Variants in APOB observed in about 807,000 individuals in gnomAD.
APOB encodes the protein apolipoprotein B-100.
In APOB, 153 loss-of-function variants were observed where a neutral mutation model predicts 314.1. The ratio of observed to expected loss-of-function variants is 0.49; its 90% CI spans 0.43 to 0.56. APOB has a LOEUF of 0.56. Ranked by LOEUF, APOB falls within the 20% of genes least tolerant of loss-of-function variation. APOB has a pLI of 0.00. For missense variants in APOB, 5,430 were observed against 5,350.7 expected (o/e 1.01, Z -0.46); for synonymous variants, 2,087 against 2,036.4 (o/e 1.02, Z -0.67).
intron 20 of APOB, among the ~76,000 whole-genome samples, 198 bp downstream of exon 20, chr2:21,018,794 C>T (rs775736792): frequency 6.6e-6 from 1 of 152,192 alleles, no homozygotes; most frequent in African/African-American, 2.4e-5. Context: ...CCATTGTTCA[C>T]TGTTCTAGCC....
intron 5 of APOB, among the ~76,000 whole-genome samples, chr2:21,037,534 A>G (rs1357237371): frequency 4.6e-5 from 7 of 152,166 alleles, no homozygotes; most frequent in Non-Finnish European, 2.9e-5. Flanking sequence ...AGAACACACA[A>G]AAGTGCTCAT....
In APOB at chr2:21,001,775, G is replaced by C. The variant is rs374018447; in HGVS notation, c.13647C>G (p.Asn4549Lys). The C allele has an allele frequency of 6.2e-7, 1 of 1,614,000 alleles. No homozygotes were observed. The highest frequency in any genetic ancestry group is 1.3e-5 in the African/African-American group (1 of 75,024). ...LKKLQSTTVM[N>K]PYMKLAPGEL... ...CTCCTGGAGCAAGCTTCATGTAGGG[G>C]TTCATGACTGTGGTTGATTGCAGCT... The change falls in exon 29 of 29, where the codon AAC (asparagine) becomes AAG (lysine). Residue 4549 changes from asparagine to lysine, a missense_variant. Asn to Lys is a moderately conservative substitution (Grantham distance 94). This residue lies in a region of APOB where 3,281 missense variants were observed against 3,171.0 expected (regional missense o/e 1.03). Transcript: ENST00000233242.
At position 21,009,642 on chromosome 2, in the gene APOB, A is replaced by G. The variant is rs781521234; in HGVS notation, c.7226T>C (p.Phe2409Ser). The G allele has an allele frequency of 6.2e-7, 1 of 1,613,648 alleles. No homozygotes were observed. Among genetic ancestry groups the G allele is most frequent in the Non-Finnish European group, 8.5e-7 (1 of 1,179,722 alleles). Residue 2409 changes from phenylalanine to serine, a missense_variant, in exon 26 of 29, where the codon TTT becomes TCT. Phe to Ser is a radical substitution (Grantham distance 155, BLOSUM62 -2). Around this residue, in one of 3 missense-constraint regions of APOB, gnomAD observed 3,281 missense variants for 3,171.0 expected, o/e 1.03. Coordinates refer to ENST00000233242, the MANE Select transcript of APOB (RefSeq NM_000384.3). ...GTTAACATCTTCAATGAATGTTTTA[A>G]AAGATAATTCATTAAGCTTCTTGAC... Reference protein sequence around the residue: ...DAVKKLNELSFKTFIEDVNKF... With the variant: ...DAVKKLNELSSKTFIEDVNKF...
chr2:21,003,722 C>A (rs576873749), intron 28 of APOB, among the ~76,000 whole-genome samples: 1 of 152,034 alleles, frequency 6.6e-6, no homozygotes, highest in Admixed American at 6.6e-5. Context: ...AAGTTGGAGC[C>A]CACCCTGCAG....
At chr2:21,043,594 C>A in intron 1 of APOB, 43 bp from the exon 2 acceptor site, 1 of 1,578,196 alleles carries the variant, frequency 6.3e-7, no homozygotes, top group East Asian at 2.3e-5. Flanking sequence ...CCCACGTCTT[C>A]CCAGCGGGTG....
chr2:21,012,690 G>A lies in APOB; in HGVS notation c.4217-39C>T. 1.9e-6 allele frequency: 3 copies of A among 1,596,494 alleles called. No individual in the cohort carries two copies. The South Asian group carries it at 3.3e-5, about 18-fold the overall frequency. ...GAAAAGACATTGGTTAAATTAAGCA[G>A]TACATTTCCAGAGCAATCTCTATGT... is the stretch of plus-strand genomic sequence containing the variant. On this transcript the variant is annotated intron_variant, in intron 25 of 28. Coordinates refer to ENST00000233242, the MANE Select transcript of APOB (RefSeq NM_000384.3).
In APOB at chr2:21,034,896, T is replaced by A; in HGVS notation, c.824A>T (p.Lys275Met). Residue 275 changes from lysine to methionine, a missense_variant, in exon 8 of 29, where the codon AAG (lysine) becomes ATG (methionine). By Grantham distance (95) the Lys-to-Met change is moderately conservative. Transcript: ENST00000233242. Reference sequence around the variant, plus strand: ...TGTCACTTGTGCTACCATCCCATACTTATTCCTGGTAACCAAGGAAGCACA... The same window carrying A: ...TGTCACTTGTGCTACCATCCCATACATATTCCTGGTAACCAAGGAAGCACA... ...HLFLPFSYKN[K>M]YGMVAQVTQT... The A allele has an allele frequency of 6.5e-7, 1 of 1,544,228 alleles. No individual in the cohort carries two copies. Among genetic ancestry groups the A allele is most frequent in the Non-Finnish European group, 9.0e-7 (1 of 1,116,136 alleles).
At chr2:21,033,733 A>G (rs1310045759) in intron 8 of APOB, among the ~76,000 whole-genome samples, 1 of 152,160 alleles carries the variant, frequency 6.6e-6, no homozygotes, top group South Asian at 2.1e-4. Context: ...TTATTGTTCA[A>G]TTTAATGATA....
At position 21,013,226 on chromosome 2, in the gene APOB, T is replaced by C; in HGVS notation, c.4150A>G (p.Ser1384Gly). ...SGGNTSTDHFSLRARYHMKAD... is the reference protein window; with the variant it reads ...SGGNTSTDHFGLRARYHMKAD... ...TTCATGTGGTAACGAGCCCGAAGGCTGAAATGGTCTGTGCTGGTGTTGCCA... is the reference window on the plus strand; with the variant it reads ...TTCATGTGGTAACGAGCCCGAAGGCCGAAATGGTCTGTGCTGGTGTTGCCA... Residue 1384 changes from serine to glycine, a missense_variant, in exon 25 of 29, where the codon AGC (serine) becomes GGC (glycine). Transcript: ENST00000233242. 6.2e-7 allele frequency: 1 copy of C among 1,614,170 alleles called. No individual in the cohort carries two copies. The highest frequency in any genetic ancestry group is 1.3e-5 in the African/African-American group (1 of 75,036).
Position 21,010,655 on chromosome 2 carries a change from G to A in APOB, c.6213C>T (p.Leu2071=). 6.2e-7 allele frequency: 1 copy of A among 1,614,092 alleles called. No homozygotes were observed. Among genetic ancestry groups the A allele is most frequent in the African/African-American group, 1.3e-5 (1 of 75,044 alleles). The part of the protein sequence containing the change: ...DKNQDVHSIN[L]PFFETLQEYF... ...ATTCTTGCAAGGTCTCAAAAAATGG[G>A]AGGTTAATGGAGTGAACATCTTGGT... The change falls in exon 26 of 29, where the codon CTC becomes CTT. Residue 2071 remains leucine (L), a synonymous_variant. Transcript: ENST00000233242.
intron 3 of APOB, 139 bp from the exon 4 acceptor site, chr2:21,041,222 A>G (rs1664125649): frequency 6.0e-6 from 5 of 831,304 alleles, no homozygotes; most frequent in Admixed American, 4.2e-5. Flanking sequence ...TCAACACCAC[A>G]TGCCTTATCA....
rs1201059427 is a variant in APOB at position 21,007,323 on chromosome 2, T to C, written c.9545A>G (p.His3182Arg). 2 of 1,614,016 alleles carry C rather than the reference T, an allele frequency of 1.2e-6. No individual in the cohort carries two copies. Among genetic ancestry groups the C allele is most frequent in the Non-Finnish European group, 8.5e-7 (1 of 1,179,956 alleles). The stretch of plus-strand genomic sequence containing the variant: ...CAAAGGATTTGTGATGGAATGCCTG[T>C]GTTTGTTTTTCTTATACTGAGCTTT... ...SVKAQYKKNK[H>R]RHSITNPLAV... Residue 3182 changes from histidine (H) to arginine (R), a missense_variant, in exon 26 of 29, where the codon CAC (histidine) becomes CGC (arginine). Transcript: ENST00000233242.
rs759049869 is a variant in APOB at position 21,043,589 on chromosome 2, G to A, written c.83-38C>T. On this transcript the variant is annotated intron_variant, in intron 1 of 28. Transcript: ENST00000233242. ...AGAAAGAAATCTGTGAGCTTCCCACGTCTTCCCAGCGGGTGCTAGGGCCCG... is the reference window on the plus strand; with the variant it reads ...AGAAAGAAATCTGTGAGCTTCCCACATCTTCCCAGCGGGTGCTAGGGCCCG... 7 of 1,581,806 alleles carry A rather than the reference G, an allele frequency of 4.4e-6. No individual in the cohort carries two copies. In the African/African-American group the frequency reaches 9.4e-5, roughly 21 times the overall value.
rs184685800 is a variant in APOB, at chr2:21,009,814, G to C, written c.7054C>G (p.Gln2352Glu). 6.2e-7 allele frequency: 1 copy of C among 1,613,862 alleles called. No individual in the cohort carries two copies. The highest frequency in any genetic ancestry group is 2.2e-5 in the East Asian group (1 of 44,846). ...HELIERYEVD[Q>E]QIQVLMDKLV... ...TTATCCATTAAAACCTGGATTTGTT[G>C]GTCTACTTCATACCTCTCGATTAAC... The change falls in exon 26 of 29, where the codon CAA becomes GAA. Residue 2352 changes from glutamine (Q) to glutamate (E), a missense_variant. Gln to Glu is a conservative substitution (Grantham distance 29, BLOSUM62 2). This residue lies in a region of APOB where 3,281 missense variants were observed against 3,171.0 expected (regional missense o/e 1.03). Transcript: ENST00000233242.
At position 21,009,887 on chromosome 2, in the gene APOB, A is replaced by G; in HGVS notation, c.6981T>C (p.Asp2327=). The part of the protein sequence containing the change: ...VKHFVINLIG[D]FEVAEKINAF... ...CATTGATTTTCTCAGCTACTTCAAA[A>G]TCCCCAATAAGATTTATAACAAAGT... The change falls in exon 26 of 29, where the codon GAT becomes GAC. Residue 2327 remains aspartate, a synonymous_variant. Coordinates refer to ENST00000233242, the MANE Select transcript of APOB (RefSeq NM_000384.3). 6.2e-7 allele frequency: 1 copy of G among 1,614,004 alleles called. No homozygotes were observed. The highest frequency in any genetic ancestry group is 8.5e-7 in the Non-Finnish European group (1 of 1,179,928).
chr2:21,010,514 G>A lies in APOB; in HGVS notation c.6354C>T (p.Leu2118=). The A allele has an allele frequency of 6.2e-7, 1 of 1,609,368 alleles. No homozygotes were observed. The highest frequency in any genetic ancestry group is 8.5e-7 in the Non-Finnish European group (1 of 1,176,514). Residue 2118 remains leucine, a synonymous_variant, in exon 26 of 29, where the codon CTC becomes CTT. Coordinates refer to ENST00000233242, the MANE Select transcript of APOB (RefSeq NM_000384.3). ...TCAGATAATCATTAGCTTGCTGTGG[G>A]AGTTTTCCCAGGGCTGCTCTGTATT... ...VRKYRAALGK[L]PQQANDYLNS...
Position 21,007,100 on chromosome 2 carries a change from G to A in APOB, c.9768C>T (p.Val3256=). 6.2e-7 allele frequency: 1 copy of A among 1,614,028 alleles called. No individual in the cohort carries two copies. Among genetic ancestry groups the A allele is most frequent in the Non-Finnish European group, 8.5e-7 (1 of 1,179,950 alleles). The change falls in exon 26 of 29, where the codon GTC becomes GTT. Residue 3256 remains valine, a synonymous_variant. Coordinates refer to ENST00000233242, the MANE Select transcript of APOB (RefSeq NM_000384.3). ...TGGTGAATGGAGACACTTCAACATT[G>A]ACAACTGGAACAGTGTATCCAGGAA... The part of the protein sequence containing the change: ...FQIPGYTVPV[V]NVEVSPFTIE...
intron 7 of APOB, 124 bp downstream of exon 7, chr2:21,035,460 G>A (rs567463304): frequency 3.0e-5 from 39 of 1,289,330 alleles, no homozygotes; most frequent in East Asian, 1.4e-4. Flanking sequence ...AGGGAGGGGC[G>A]GCATTTTATC....
chr2:21,012,227 G>T lies in APOB; in HGVS notation c.4641C>A (p.Thr1547=). 3 of 1,610,202 alleles carry T rather than the reference G, an allele frequency of 1.9e-6. No homozygotes were observed. Among genetic ancestry groups the T allele is most frequent in the Non-Finnish European group, 2.5e-6 (3 of 1,177,156 alleles). ...TAATGATGCCACTTTGCAGATCAGA[G>T]GTGGAGGTGAGGGAGAGGGTTCCAT... The part of the protein sequence containing the change: ...YEDGTLSLTS[T]SDLQSGIIKN... Residue 1547 remains threonine (T), a synonymous_variant, in exon 26 of 29, where the codon ACC becomes ACA. Transcript: ENST00000233242.
Sources: allele counts gnomAD v4.1 joint callset (sites outside exome capture counted in the v4.1 genomes callset), GRCh38; gene constraint gnomAD v4.1.1; regional missense constraint gnomAD v4.1.1; transcripts MANE v1.5; gene names NCBI Gene and HGNC (gene_info 2026-07-23, HGNC 2026-07-21).